The following CUBN variants were observed in gnomAD, a reference collection of about 807,000 sequenced individuals.
CUBN encodes the protein cubilin.
In CUBN, 282 loss-of-function variants were observed where a neutral mutation model predicts 405.3. That is an observed-to-expected ratio of 0.70 (90% CI 0.63 to 0.77). CUBN has a LOEUF of 0.77. Among genes scored for constraint, CUBN ranks in the 30% least tolerant of loss-of-function variants. The pLI is 0.00. For missense variants in CUBN, 4,514 were observed against 4,475.2 expected (o/e 1.01, Z -0.25); for synonymous variants, 1,684 against 1,617.0 (o/e 1.04, Z -0.99).
At chr10:16,901,777 C>G (rs1210468772) in intron 51 of CUBN, among the ~76,000 whole-genome samples, 1 of 150,644 alleles carries the variant, frequency 6.6e-6, no homozygotes, top group East Asian at 1.9e-4. Context: ...TCGCTTGAAT[C>G]AGAAGGTGGA....
At chr10:17,065,081 T>C (rs1185059794) in intron 22 of CUBN, among the ~76,000 whole-genome samples, 1 of 151,900 alleles carries the variant, frequency 6.6e-6, no homozygotes, top group Non-Finnish European at 1.5e-5. Context: ...CCAGATTTAT[T>C]ATGTATTTGT....
chr10:16,905,315 C>T (rs1213244081), intron 50 of CUBN, among the ~76,000 whole-genome samples: 1 of 152,158 alleles, frequency 6.6e-6, no homozygotes, highest in Non-Finnish European at 1.5e-5. Flanking sequence ...TTGATTCATC[C>T]TCTTTGAATA....
At position 17,035,531 on chromosome 10, in the gene CUBN, C is replaced by T. The variant is rs1834876893; in HGVS notation, c.4017+5502G>A. ...AAAAGAGTCAACTCTTTTCAATGAACTTTTCCAGGCTTAAGGGAATTATAT... is the reference window on the plus strand; with the variant it reads ...AAAAGAGTCAACTCTTTTCAATGAATTTTTCCAGGCTTAAGGGAATTATAT... On this transcript the variant is annotated intron_variant, in intron 27 of 66. Coordinates refer to ENST00000377833, the MANE Select transcript of CUBN (RefSeq NM_001081.4). Among the ~76,000 whole-genome samples the T allele has an allele frequency of 3.3e-5, 5 of 152,232 alleles. No individual in the cohort carries two copies. In the South Asian group the frequency reaches 8.3e-4, roughly 25 times the overall value.
rs1334297737 is a variant in CUBN, at chr10:16,937,733, T to C, written c.5785A>G (p.Thr1929Ala). 2 of 1,613,978 alleles carry C rather than the reference T, an allele frequency of 1.2e-6. No individual in the cohort carries two copies. The highest frequency in any genetic ancestry group is 1.7e-5 in the Admixed American group (1 of 59,996). The stretch of plus-strand genomic sequence containing the variant: ...GTGGAGCTGAAAGATTCAGTCTGGG[T>C]ACCACAGTAAGCTCCAATTAGGCGG... ...HARLIGAYCG[T>A]QTESFSSTGN... The change falls in exon 39 of 67, where the codon ACC (threonine) becomes GCC (alanine). Residue 1929 changes from threonine (T) to alanine (A), a missense_variant. Physicochemically the swap from Thr to Ala is moderately conservative, Grantham distance 58. Transcript: ENST00000377833.
chr10:16,956,773 C>T (rs909054731), intron 31 of CUBN, among the ~76,000 whole-genome samples: 6 of 152,092 alleles, frequency 3.9e-5, no homozygotes, highest in Non-Finnish European at 8.8e-5. Flanking sequence ...CTATTTACTT[C>T]TCTCAAGATA....
rs527982207 is a variant in CUBN, at chr10:17,068,824, C to T, written c.2626-54G>A. On this transcript the variant is annotated intron_variant, in intron 19 of 66. Coordinates refer to ENST00000377833, the MANE Select transcript of CUBN (RefSeq NM_001081.4). ...TGTTGTATATCAATTTTGAAAACTGCTTCAAGAATAATTATTTCTGAAATG... is the reference window on the plus strand; with the variant it reads ...TGTTGTATATCAATTTTGAAAACTGTTTCAAGAATAATTATTTCTGAAATG... 22 of 1,305,884 alleles carry T rather than the reference C, an allele frequency of 1.7e-5. No individual in the cohort carries two copies. The African/African-American group carries it at 2.6e-4, about 16-fold the overall frequency. 80.9% of individuals were successfully genotyped at this position (1,305,884 alleles called of 1,614,324 possible). A position where few individuals can be genotyped will look rare whatever the true frequency, so the allele number is the denominator to read the frequency against.
chr10:16,862,255 C>G lies in CUBN; in HGVS notation c.9454+7381G>C, dbSNP rs533085006. ...GGCAATGAAGGCTTACTAAGAAAAT[C>G]AGGAGTTTGGGGGACAGTCAAACTC... On this transcript the variant is annotated intron_variant, in intron 59 of 66. Transcript: ENST00000377833. Among the ~76,000 whole-genome samples the G allele has an allele frequency of 5.3e-5, 8 of 151,950 alleles. No homozygotes were observed. The South Asian group carries it at 1.7e-3, about 32-fold the overall frequency.
At chr10:16,882,523 G>T (rs1840692484) in intron 56 of CUBN, among the ~76,000 whole-genome samples, 1 of 152,184 alleles carries the variant, frequency 6.6e-6, no homozygotes, top group Non-Finnish European at 1.5e-5. Flanking sequence ...AACTATGAGA[G>T]AACTGAAGGA....
intron 66 of CUBN, among the ~76,000 whole-genome samples, chr10:16,827,364 CAAAG>C (rs1210120631): frequency 6.6e-6 from 1 of 152,010 alleles, no homozygotes; most frequent in African/African-American, 2.4e-5. Flanking sequence ...CAAATATATT[CAAAG>C]AAAGGTGTTA....
chr10:16,931,451 T>C (rs894450610), intron 40 of CUBN, among the ~76,000 whole-genome samples: 1 of 152,172 alleles, frequency 6.6e-6, no homozygotes, highest in Non-Finnish European at 1.5e-5. Flanking sequence ...AAGGAATCCA[T>C]ACGGAAAGGC....
chr10:17,039,258 C>A (rs1308463808), intron 27 of CUBN, among the ~76,000 whole-genome samples: 1 of 152,210 alleles, frequency 6.6e-6, no homozygotes, highest in Admixed American at 6.5e-5. Context: ...TGTAGGATTG[C>A]ACTGCGTGTG....
At chr10:16,850,666 T>C (rs1163275128) in intron 60 of CUBN, among the ~76,000 whole-genome samples, 2 of 152,030 alleles carry the variant, frequency 1.3e-5, no homozygotes, top group Non-Finnish European at 2.9e-5. Context: ...AGAAACAGGG[T>C]TTCACCATGT....
intron 31 of CUBN, among the ~76,000 whole-genome samples, chr10:16,981,917 C>G (rs558226622): frequency 6.6e-6 from 1 of 152,296 alleles, no homozygotes; most frequent in South Asian, 2.1e-4. Context: ...TGGATTTGTT[C>G]AAGTAGCAAA....
chr10:16,926,830 TC>T (rs1842203968), intron 41 of CUBN, among the ~76,000 whole-genome samples: 1 of 151,794 alleles, frequency 6.6e-6, no homozygotes, highest in African/African-American at 2.4e-5. Context: ...TATCTATCTA[TC>T]TATCTATCTA....
rs1839165154 is a variant in CUBN, at chr10:16,836,297, A to G, written c.10118T>C (p.Val3373Ala). ...GTTTACAACTCCAGATTTGAAAATG[A>G]CCATTGCAGTACTCATAGAAGAATA... ...VFYSSMSTAM[V>A]IFKSGVVNRN... Residue 3373 changes from valine to alanine, a missense_variant, in exon 63 of 67, where the codon GTC becomes GCC. By Grantham distance (64) the Val-to-Ala change is moderately conservative (BLOSUM62 0). Coordinates refer to ENST00000377833, the MANE Select transcript of CUBN (RefSeq NM_001081.4). The G allele has an allele frequency of 6.2e-7, 1 of 1,613,682 alleles. No individual in the cohort carries two copies. Among genetic ancestry groups the G allele is most frequent in the African/African-American group, 1.3e-5 (1 of 75,060 alleles).
At chr10:16,839,704 T>C (rs1416939872) in intron 62 of CUBN, among the ~76,000 whole-genome samples, 1 of 142,760 alleles carries the variant, frequency 7.0e-6, no homozygotes, top group African/African-American at 2.4e-5. Flanking sequence ...GATCCAGCCA[T>C]CCCATTACTG....
chr10:16,839,139 G>A (rs1365998068), intron 62 of CUBN, among the ~76,000 whole-genome samples: 1 of 152,144 alleles, frequency 6.6e-6, no homozygotes, highest in Non-Finnish European at 1.5e-5. Context: ...CACCAGAGGT[G>A]TTTGTCAAAA....
chr10:16,899,252 C>A, intron 53 of CUBN, 69 bp from the exon 54 acceptor site: 1 of 1,123,680 alleles, frequency 8.9e-7, no homozygotes, highest in South Asian at 1.2e-5. Context: ...AAGACTGCTA[C>A]AGAAGGAACA....
chr10:16,945,690 C>T (rs191583449), intron 36 of CUBN, among the ~76,000 whole-genome samples: 51 of 151,038 alleles, frequency 3.4e-4, no homozygotes, highest in African/African-American at 1.1e-3. Flanking sequence ...ATAGCTTAAA[C>T]CCCGGAGGCG....
Sources: allele counts gnomAD v4.1 joint callset (sites outside exome capture counted in the v4.1 genomes callset), GRCh38; gene constraint gnomAD v4.1.1; transcripts MANE v1.5; gene names NCBI Gene and HGNC (gene_info 2026-07-23, HGNC 2026-07-21).